DNAH14: variants seen among roughly 807,000 people sequenced by gnomAD.
DNAH14 encodes axonemal beta dynein heavy chain 14.
In DNAH14, 478 loss-of-function variants were observed where a neutral mutation model predicts 520.9. The ratio of observed to expected loss-of-function variants is 0.92; its 90% CI spans 0.85 to 0.99. DNAH14 has a LOEUF of 0.99. Among genes scored for constraint, DNAH14 ranks in the 50% least tolerant of loss-of-function variants. The pLI, the probability that DNAH14 is intolerant of heterozygous loss-of-function variation, is 0.00. For missense variants in DNAH14, 4,831 were observed against 5,234.5 expected, an observed-to-expected ratio of 0.92 and a Z score of 2.38; for synonymous variants, 1,581 against 1,757.2, an observed-to-expected ratio of 0.90 and a Z score of 2.51.
chr1:225,040,712 C>G (rs2067401194), intron 12 of DNAH14, among the ~76,000 whole-genome samples: 1 of 152,116 alleles, frequency 6.6e-6, no homozygotes, highest in African/African-American at 2.4e-5. Flanking sequence ...ACAAGAGTTA[C>G]TATTTCTTTA....
chr1:225,066,962 T>C (rs1173432147), intron 17 of DNAH14, among the ~76,000 whole-genome samples: 1 of 152,190 alleles, frequency 6.6e-6, no homozygotes, highest in Non-Finnish European at 1.5e-5. Context: ...TAAACGTGTG[T>C]ACATGTGTCT....
intron 8 of DNAH14, among the ~76,000 whole-genome samples, chr1:224,978,046 C>G (rs1034540810): frequency 6.6e-6 from 1 of 152,106 alleles, no homozygotes; most frequent in African/African-American, 2.4e-5. Flanking sequence ...AAAGATAACT[C>G]TTATACACTG....
chr1:225,369,349 G>A (rs904757487), intron 77 of DNAH14, among the ~76,000 whole-genome samples: 23 of 151,920 alleles, frequency 1.5e-4, no homozygotes, highest in African/African-American at 2.4e-5. Flanking sequence ...ATACGAAAAA[G>A]TGAAATTAAT....
chr1:225,274,276 C>T (rs1032412161), intron 52 of DNAH14, among the ~76,000 whole-genome samples: 1 of 141,616 alleles, frequency 7.1e-6, no homozygotes, highest in Admixed American at 7.6e-5. Context: ...GCGATCTCTG[C>T]TCACTGCAAG....
At chr1:225,237,066 T>G (rs1384571148) in intron 42 of DNAH14, among the ~76,000 whole-genome samples, 2 of 152,210 alleles carry the variant, frequency 1.3e-5, no homozygotes, top group African/African-American at 4.8e-5. Context: ...TCCCATCCCT[T>G]TATTTTCAGC....
At chr1:224,991,084 CTTTTTTTTTTTTT>C (rs1197927461) in intron 8 of DNAH14, among the ~76,000 whole-genome samples, 1 of 77,902 alleles carries the variant, frequency 1.3e-5, no homozygotes, top group African/African-American at 4.3e-5. Context: ...TGATGTTGAG[CTTTTTTTTTTTTT>C]TTTTTTTTTT....
chr1:224,952,782 A>G lies in DNAH14; in HGVS notation c.77+3A>G. Reference sequence around the variant, plus strand: ...GAGGAAACCAAGACAAAACCAAGGTAAAAGTAAGATAAAATATAATGAGTT... The same window carrying G: ...GAGGAAACCAAGACAAAACCAAGGTGAAAGTAAGATAAAATATAATGAGTT... On this transcript the variant is annotated splice_donor_region_variant and intron_variant, in intron 2 of 85. Transcript: ENST00000682510. 6.3e-7 allele frequency: 1 copy of G among 1,579,130 alleles called. No individual in the cohort carries two copies. The highest frequency in any genetic ancestry group is 8.6e-7 in the Non-Finnish European group (1 of 1,163,096).
At chr1:225,216,328 G>A (rs1186969888) in intron 41 of DNAH14, among the ~76,000 whole-genome samples, 5 of 152,218 alleles carry the variant, frequency 3.3e-5, no homozygotes, top group African/African-American at 1.2e-4. Context: ...TGCCCTTAAT[G>A]TTTTTTCCTT....
At chr1:225,088,009 C>T (rs975582167) in intron 21 of DNAH14, among the ~76,000 whole-genome samples, 1 of 152,144 alleles carries the variant, frequency 6.6e-6, no homozygotes, top group Non-Finnish European at 1.5e-5. Context: ...AAATGTTGCT[C>T]CTGTCTTCCC....
At position 225,392,406 on chromosome 1, in the gene DNAH14, C is replaced by T. The variant is rs1321716490; in HGVS notation, c.13446C>T (p.Ser4482=). 9.7e-6 allele frequency: 15 copies of T among 1,551,870 alleles called. No individual in the cohort carries two copies. Among genetic ancestry groups the T allele is most frequent in the Admixed American group, 2.0e-5 (1 of 50,980 alleles). ...SNTTDKDEKF[S]VFMPKKLNIV... is the part of the protein sequence containing the mutation. ...CCACTGACAAGGATGAGAAGTTCTC[C>T]GTATTTATGCCAAAGAAACTCAACA... Residue 4482 remains serine (S), a synonymous_variant, in exon 84 of 86, where the codon TCC becomes TCT. Coordinates refer to ENST00000682510, the MANE Select transcript of DNAH14 (RefSeq NM_001367479.1).
At chr1:225,187,316 TCTC>T (rs1261932442) in intron 37 of DNAH14, among the ~76,000 whole-genome samples, 4 of 151,776 alleles carry the variant, frequency 2.6e-5, no homozygotes, top group Non-Finnish European at 4.4e-5. Flanking sequence ...CACCCCCTAT[TCTC>T]CTATCTTCCC....
Position 225,251,177 on chromosome 1 carries a change from C to CTTTT in DNAH14, c.6749-1114_6749-1111dup, listed in dbSNP as rs35025436. Among the ~76,000 whole-genome samples the CTTTT allele has an allele frequency of 5.0e-3, 734 of 146,032 alleles. 8 individuals carry two copies. Among genetic ancestry groups the CTTTT allele is most frequent in the African/African-American group, 0.017 (661 of 39,844 alleles). On this transcript the variant is annotated intron_variant, in intron 43 of 85. Transcript: ENST00000682510. The stretch of plus-strand genomic sequence containing the variant: ...TAAATATAAATTGTAAAACTATAAA[C>CTTTT]TTTTTTTTTTTTTGAGATGGAGTCT...
chr1:225,247,808 C>T (rs2092370384), intron 43 of DNAH14, among the ~76,000 whole-genome samples: 1 of 152,082 alleles, frequency 6.6e-6, no homozygotes, highest in Non-Finnish European at 1.5e-5. Flanking sequence ...AGGCGGATCA[C>T]GAAGTCAGGA....
At chr1:225,364,621 G>C (rs542036419) in intron 75 of DNAH14, among the ~76,000 whole-genome samples, 171 bp from the exon 76 acceptor site, 1 of 151,996 alleles carries the variant, frequency 6.6e-6, no homozygotes, top group Non-Finnish European at 1.5e-5. Context: ...TGTAACTGAT[G>C]GGTCGTGTGC....
chr1:225,126,686 G>T (rs889574752), intron 27 of DNAH14, among the ~76,000 whole-genome samples: 1 of 152,048 alleles, frequency 6.6e-6, no homozygotes, highest in Non-Finnish European at 1.5e-5. Context: ...TTTTTGAAGG[G>T]TTTTTTATGT....
At chr1:225,126,961 A>G (rs1312419456) in intron 27 of DNAH14, among the ~76,000 whole-genome samples, 1 of 151,520 alleles carries the variant, frequency 6.6e-6, no homozygotes, top group Non-Finnish European at 1.5e-5. Flanking sequence ...TCATTTCGTT[A>G]TGTACCCAGT....
chr1:225,076,440 C>A (rs538819971), intron 17 of DNAH14, among the ~76,000 whole-genome samples: 2 of 152,292 alleles, frequency 1.3e-5, no homozygotes, highest in South Asian at 4.1e-4. Context: ...TGTCATCTCT[C>A]ACTTGATTTC....
intron 41 of DNAH14, among the ~76,000 whole-genome samples, chr1:225,222,244 T>A (rs2149514683): frequency 6.6e-6 from 1 of 152,292 alleles, no homozygotes; most frequent in Middle Eastern, 3.4e-3. Context: ...GCTTGGGATA[T>A]CCAAGTTTGA....
Position 225,240,901 on chromosome 1 carries a change from G to C in DNAH14, c.6748+79G>C, listed in dbSNP as rs540401873. 1.0e-4 allele frequency: 104 copies of C among 1,039,836 alleles called. 1 individual carries two copies. The African/African-American group carries it at 1.4e-3, about 14-fold the overall frequency. 64.4% of individuals were successfully genotyped at this position (1,039,836 alleles called of 1,614,324 possible). On this transcript the variant is annotated intron_variant, in intron 43 of 85. Transcript: ENST00000682510. The stretch of plus-strand genomic sequence containing the variant: ...AGCAATGCTTGGCTTATAATGATTA[G>C]GTTCATCTTTTAAAATGTTAAGATT...
Sources: gnomAD v4.1 joint callset for allele counts (sites outside exome capture counted in the v4.1 genomes callset) on GRCh38, gnomAD v4.1.1 for gene constraint, MANE v1.5 for transcripts, NCBI Gene and HGNC (gene_info 2026-07-23, HGNC 2026-07-21) for gene names.